The following IL1RAPL1 variants were observed in gnomAD, a reference collection of about 807,000 sequenced individuals.
The protein encoded by IL1RAPL1 is interleukin-1 receptor accessory protein-like 1.
IL1RAPL1 carries 3 observed loss-of-function variants against 48.4 expected under a neutral mutation model. The ratio of observed to expected loss-of-function variants is 0.06; its 90% confidence interval spans 0.03 to 0.16. The LOEUF (loss-of-function observed/expected upper bound fraction) is 0.16, where lower values mean the gene tolerates loss of function less well. IL1RAPL1 is among the 10% of genes least tolerant of loss of function. The pLI is 1.00. For synonymous variants in IL1RAPL1, 185 were observed against 187.7 expected, an observed-to-expected ratio of 0.99 and a Z score of 0.12; for missense variants, 349 against 530.6, an observed-to-expected ratio of 0.66 and a Z score of 3.36.
At chrX:29,111,105 A>G (rs1292759148) in intron 2 of IL1RAPL1, among the ~76,000 whole-genome samples, 2 of 111,611 alleles carry the variant, frequency 1.8e-5, no homozygotes, top group Non-Finnish European at 3.8e-5. Flanking sequence ...ATATGATACA[A>G]AGAATAATAA....
intron 3 of IL1RAPL1, among the ~76,000 whole-genome samples, chrX:29,349,033 T>C: frequency 8.9e-6 from 1 of 112,516 alleles, no homozygotes; most frequent in Middle Eastern, 4.6e-3. Flanking sequence ...GGCATACAAA[T>C]TTATTTAACT....
At chrX:29,775,944 C>T (rs765559472) in intron 6 of IL1RAPL1, among the ~76,000 whole-genome samples, 5 of 111,256 alleles carry the variant, frequency 4.5e-5, no homozygotes, top group Middle Eastern at 4.7e-3. Context: ...CTTGCACCCC[C>T]GTTACCTTTA....
chrX:29,488,206 G>C (rs2147751607), intron 5 of IL1RAPL1, among the ~76,000 whole-genome samples: 1 of 112,275 alleles, frequency 8.9e-6, no homozygotes, highest in African/African-American at 3.2e-5. Flanking sequence ...TTGGGAGGCT[G>C]AGGCGGGCGG....
At chrX:29,097,653 C>G (rs1374334310) in intron 2 of IL1RAPL1, among the ~76,000 whole-genome samples, 1 of 110,528 alleles carries the variant, frequency 9.0e-6, no homozygotes, top group East Asian at 2.8e-4. Context: ...CCTTGATGGT[C>G]TATATTTTAT....
intron 2 of IL1RAPL1, among the ~76,000 whole-genome samples, chrX:29,190,657 C>T (rs764712118): frequency 6.0e-4 from 67 of 112,077 alleles, no homozygotes; most frequent in South Asian, 1.5e-3. Flanking sequence ...TAATTGATGC[C>T]GATGTGTGTT....
At chrX:29,050,655 C>A (rs949736228) in intron 2 of IL1RAPL1, among the ~76,000 whole-genome samples, 2 of 112,155 alleles carry the variant, frequency 1.8e-5, no homozygotes, top group Non-Finnish European at 3.8e-5. Flanking sequence ...TTTTACTTAA[C>A]TGTTTGCCAT....
At chrX:29,955,010 G>A in intron 10 of IL1RAPL1, 92 bp from the exon 11 acceptor site, 1 of 764,148 alleles carries the variant, frequency 1.3e-6, no homozygotes, top group Admixed American at 2.2e-5. Context: ...CAGTGAACTA[G>A]TTTCATTTAA....
At chrX:28,852,877 CTT>C (rs59748304) in intron 2 of IL1RAPL1, among the ~76,000 whole-genome samples, 1 of 103,490 alleles carries the variant, frequency 9.7e-6, no homozygotes, top group Non-Finnish European at 2.0e-5. Flanking sequence ...TTGTGCTTTC[CTT>C]TTTTTTTTTA....
rs187454864 is a variant in IL1RAPL1, at chrX:29,675,676, C to T, written c.778+7172C>T. Among the ~76,000 whole-genome samples, 626 of 111,438 alleles carry T rather than the reference C, an allele frequency of 5.6e-3. 3 individuals are homozygous for T. Among genetic ancestry groups the T allele is most frequent in the African/African-American group, 0.019 (578 of 30,654 alleles). ...CGCCATCTCGGCTCACTGCAGCCTC[C>T]GCCTCCTGGGTTCAAGGGATTCTCC... On this transcript the variant is annotated intron_variant, in intron 6 of 10. Transcript: ENST00000378993.
At chrX:29,122,405 TCTCTCACA>T (rs2147477852) in intron 2 of IL1RAPL1, among the ~76,000 whole-genome samples, 1 of 79,625 alleles carries the variant, frequency 1.3e-5, no homozygotes, top group African/African-American at 6.2e-5. Flanking sequence ...TTTCTCTCTC[TCTCTCACA>T]CACACACACA....
intron 6 of IL1RAPL1, among the ~76,000 whole-genome samples, chrX:29,797,414 T>C (rs1242269886): frequency 2.7e-5 from 3 of 112,120 alleles, no homozygotes; most frequent in Admixed American, 9.4e-5. Context: ...TAAATTCAAC[T>C]CTGAATGTAA....
intron 5 of IL1RAPL1, among the ~76,000 whole-genome samples, chrX:29,406,363 TGGGCGACA>T (rs1934070071): frequency 9.4e-6 from 1 of 106,259 alleles, no homozygotes; most frequent in African/African-American, 3.4e-5. Flanking sequence ...CACTCCAGAC[TGGGCGACA>T]GAGCGAGACT....
chrX:29,687,847 A>T (rs1926669395), intron 6 of IL1RAPL1, among the ~76,000 whole-genome samples: 1 of 111,898 alleles, frequency 8.9e-6, no homozygotes, highest in African/African-American at 3.2e-5. Context: ...CATTATCATG[A>T]TCTCTCTATA....
chrX:29,077,669 G>A (rs1470503012), intron 2 of IL1RAPL1, among the ~76,000 whole-genome samples: 1 of 108,999 alleles, frequency 9.2e-6, no homozygotes, highest in Non-Finnish European at 1.9e-5. Flanking sequence ...ATAAAATAAA[G>A]AATAAGAAGC....
intron 1 of IL1RAPL1, among the ~76,000 whole-genome samples, chrX:28,595,443 G>C (rs1424949502): frequency 8.9e-6 from 1 of 112,104 alleles, no homozygotes. Context: ...ATTAACTTCT[G>C]ACCCCGAAAA....
chrX:28,678,455 C>CA (rs2146918291), intron 1 of IL1RAPL1, among the ~76,000 whole-genome samples: 1 of 111,340 alleles, frequency 9.0e-6, no homozygotes, highest in East Asian at 2.8e-4. Flanking sequence ...AAGGAGGAAA[C>CA]AGAGTTTCAA....
At chrX:29,534,274 TAAAACTC>T (rs1367220008) in intron 5 of IL1RAPL1, among the ~76,000 whole-genome samples, 1 of 111,795 alleles carries the variant, frequency 8.9e-6, no homozygotes, top group Non-Finnish European at 1.9e-5. Context: ...AGCCCTCTGT[TAAAACTC>T]AAAAATCATA....
At chrX:29,230,516 A>AAAAAAAAAAAAAAC (rs1931175663) in intron 2 of IL1RAPL1, among the ~76,000 whole-genome samples, 1 of 91,964 alleles carries the variant, frequency 1.1e-5, no homozygotes, top group Non-Finnish European at 2.1e-5. Flanking sequence ...AAAAAAAAAA[A>AAAAAAAAAAAAAAC]AAAAAAAAAA....
chrX:29,403,438 C>T (rs1934019180), intron 5 of IL1RAPL1, among the ~76,000 whole-genome samples: 1 of 110,343 alleles, frequency 9.1e-6, no homozygotes, highest in African/African-American at 3.3e-5. Flanking sequence ...TTTCCTGCCC[C>T]AGTCCCTACA....
Sources: allele counts gnomAD v4.1 joint callset (sites outside exome capture counted in the v4.1 genomes callset), GRCh38; gene constraint gnomAD v4.1.1; transcripts MANE v1.5; gene names NCBI Gene and HGNC (gene_info 2026-07-23, HGNC 2026-07-21).